Variants in YWHAE observed in about 807,000 individuals in gnomAD.
YWHAE encodes the protein tyrosine 3-monooxygenase/tryptophan 5-monooxygenase activation protein epsilon.
YWHAE carries 4 observed loss-of-function variants against 30.1 expected under a neutral mutation model. The ratio of observed to expected loss-of-function variants is 0.13; its 90% confidence interval spans 0.07 to 0.30. The LOEUF is 0.30. Ranked by LOEUF, YWHAE falls within the 10% of genes least tolerant of loss-of-function variation. The pLI is 1.00. For missense variants in YWHAE, 121 were observed against 315.9 expected, an observed-to-expected ratio of 0.38 and a Z score of 4.68; for synonymous variants, 118 against 111.8, an observed-to-expected ratio of 1.06 and a Z score of -0.35.
intron 5 of YWHAE, chr17:1,347,944 G>A: frequency 5.0e-6 from 5 of 1,008,032 alleles, no homozygotes; most frequent in Non-Finnish European, 4.7e-6. Flanking sequence ...AATTCACTGT[G>A]CCATGAACGT....
At position 1,351,952 on chromosome 17, in the gene YWHAE, AT is replaced by A. The variant is rs11379881; in HGVS notation, c.715+2258del. The A allele has an allele frequency of 1.0e-3, 146 of 145,974 alleles. No homozygotes were observed. In the Middle Eastern group the frequency reaches 0.01, roughly 10 times the overall value. The allele number at this position is 145,974 out of a possible 1,614,324, so 9.0% of individuals were successfully genotyped here. A position where few individuals can be genotyped will look rare whatever the true frequency, so the allele number is the denominator to read the frequency against. On this transcript the variant is annotated intron_variant, in intron 5 of 5. Transcript: ENST00000264335. ...ACAGGCACATACCACTGCACCCGGCATTTTTTTTTTTTTTAAAGACAGGGTC... is the reference window on the plus strand; with the variant it reads ...ACAGGCACATACCACTGCACCCGGCATTTTTTTTTTTTTAAAGACAGGGTC...
At chr17:1,355,207 A>G (rs1322202707) in intron 4 of YWHAE, among the ~76,000 whole-genome samples, 1 of 107,296 alleles carries the variant, frequency 9.3e-6, no homozygotes, top group Non-Finnish European at 1.7e-5. Context: ...CCCAGGCTGG[A>G]GTGCAGTGGC....
intron 1 of YWHAE, among the ~76,000 whole-genome samples, chr17:1,370,324 G>A (rs1471382928): frequency 3.3e-5 from 5 of 151,426 alleles, no homozygotes; most frequent in Non-Finnish European, 7.4e-5. Flanking sequence ...GTAGAGGCGG[G>A]GTTTCACCAT....
intron 1 of YWHAE, among the ~76,000 whole-genome samples, chr17:1,388,229 A>G (rs1159655291): frequency 1.4e-5 from 2 of 140,022 alleles, no homozygotes; most frequent in South Asian, 4.7e-4. Flanking sequence ...CCAAAGTGCT[A>G]GGATTGGCCA....
Position 1,399,652 on chromosome 17 carries a change from G to A in YWHAE, c.64+395C>T, listed in dbSNP as rs1044780956. On this transcript the variant is annotated intron_variant, in intron 1 of 5. Coordinates refer to ENST00000264335, the MANE Select transcript of YWHAE (RefSeq NM_006761.5). ...CCATGTGGCGGGTGCTGCTTCCCCCGTCACCCCACCCAATTGTTCTCCACA... is the reference window on the plus strand; with the variant it reads ...CCATGTGGCGGGTGCTGCTTCCCCCATCACCCCACCCAATTGTTCTCCACA... The A allele has an allele frequency of 1.5e-5, 4 of 268,638 alleles. No homozygotes were observed. In the Admixed American group the frequency reaches 1.6e-4, roughly 11 times the overall value. The allele number at this position is 268,638 out of a possible 1,614,324, so 16.6% of individuals were successfully genotyped here. A position where few individuals can be genotyped will look rare whatever the true frequency, so the allele number is the denominator to read the frequency against.
At chr17:1,383,031 GAA>G (rs112094150) in intron 1 of YWHAE, among the ~76,000 whole-genome samples, 109 of 119,002 alleles carry the variant, frequency 9.2e-4, no homozygotes, top group Non-Finnish European at 1.2e-3. Context: ...TCTCAAGAAA[GAA>G]AAAAAAAAAA....
intron 1 of YWHAE, among the ~76,000 whole-genome samples, chr17:1,365,589 G>A (rs534987344): frequency 1.3e-5 from 2 of 152,184 alleles, no homozygotes; most frequent in South Asian, 2.1e-4. Flanking sequence ...AACTTCTGAT[G>A]ATTCCTACTT....
At chr17:1,375,890 C>T (rs2073114917) in intron 1 of YWHAE, among the ~76,000 whole-genome samples, 1 of 152,134 alleles carries the variant, frequency 6.6e-6, no homozygotes, top group African/African-American at 2.4e-5. Flanking sequence ...ATAAAACACC[C>T]CATTTCAACT....
At chr17:1,377,195 G>T (rs8067801) in intron 1 of YWHAE, among the ~76,000 whole-genome samples, 111,594 of 152,012 alleles carry the variant, frequency 0.73, 42,392 homozygotes, top group African/African-American at 0.93. Context: ...ATTACAGGCA[G>T]GGGTTACCAC....
intron 1 of YWHAE, among the ~76,000 whole-genome samples, chr17:1,370,326 T>G (rs1047017041): frequency 3.3e-5 from 5 of 151,310 alleles, no homozygotes; most frequent in Non-Finnish European, 5.9e-5. Flanking sequence ...AGAGGCGGGG[T>G]TTCACCATGT....
chr17:1,356,787 T>TTG (rs1390254681), intron 4 of YWHAE, among the ~76,000 whole-genome samples: 1 of 146,818 alleles, frequency 6.8e-6, no homozygotes, highest in Non-Finnish European at 1.5e-5. Flanking sequence ...GGTGAAAACC[T>TTG]GTCTCTACTA....
chr17:1,348,883 G>A (rs904540931), intron 5 of YWHAE, among the ~76,000 whole-genome samples: 1 of 151,422 alleles, frequency 6.6e-6, no homozygotes, highest in Non-Finnish European at 1.5e-5. Context: ...AAAATTAGCC[G>A]GGCATGGTGG....
chr17:1,389,656 G>A (rs1171519341), intron 1 of YWHAE, among the ~76,000 whole-genome samples: 1 of 150,260 alleles, frequency 6.7e-6, no homozygotes, highest in Admixed American at 6.7e-5. Flanking sequence ...TCAGCCTCCT[G>A]AGCAGCTGGG....
intron 5 of YWHAE, among the ~76,000 whole-genome samples, chr17:1,347,257 C>G (rs1336289891): frequency 5.3e-5 from 8 of 151,304 alleles, no homozygotes; most frequent in Non-Finnish European, 1.2e-4. Context: ...GGCGTGAACC[C>G]AGGAGGCGGA....
At chr17:1,367,431 TG>T (rs1332615673) in intron 1 of YWHAE, among the ~76,000 whole-genome samples, 1 of 152,176 alleles carries the variant, frequency 6.6e-6, no homozygotes, top group African/African-American at 2.4e-5. Flanking sequence ...GGTGAGACTC[TG>T]CCTCTACAAA....
chr17:1,397,342 A>G (rs2073489679), intron 1 of YWHAE, among the ~76,000 whole-genome samples: 1 of 152,220 alleles, frequency 6.6e-6, no homozygotes, highest in African/African-American at 2.4e-5. Context: ...TAAAGTGATG[A>G]GATGCTAGAT....
intron 5 of YWHAE, among the ~76,000 whole-genome samples, chr17:1,348,757 C>T (rs992374471): frequency 2.0e-5 from 3 of 152,230 alleles, no homozygotes; most frequent in Non-Finnish European, 4.4e-5. Context: ...GGAACAGTGG[C>T]TCACGCCTGT....
Position 1,365,009 on chromosome 17 carries a change from T to C in YWHAE, c.114A>G (p.Thr38=). Residue 38 remains threonine, a synonymous_variant, in exon 2 of 6, where the codon ACA becomes ACG. Transcript: ENST00000264335. ...CAGATAGGAGGTTTCTTTCTTCAAC[T>C]GTCAGCTCCACATCCATCCCTGCTA... ...KKVAGMDVEL[T]VEERNLLSVA... 2 of 1,614,140 alleles carry C rather than the reference T, an allele frequency of 1.2e-6. No individual in the cohort carries two copies. Among genetic ancestry groups the C allele is most frequent in the Non-Finnish European group, 8.5e-7 (1 of 1,180,010 alleles).
chr17:1,363,155 G>C lies in YWHAE; in HGVS notation c.265-1147C>G, dbSNP rs115816073. Among the ~76,000 whole-genome samples, 482 of 152,230 alleles carry C rather than the reference G, an allele frequency of 3.2e-3. 5 individuals are homozygous for C. The highest frequency in any genetic ancestry group is 0.011 in the African/African-American group (452 of 41,524). On this transcript the variant is annotated intron_variant, in intron 2 of 5. Coordinates refer to ENST00000264335, the MANE Select transcript of YWHAE (RefSeq NM_006761.5). ...ATGACCATGCTGCTCCATACTAGAAGTCTGAATTGCAACACTCCACTCTTG... is the reference window on the plus strand; with the variant it reads ...ATGACCATGCTGCTCCATACTAGAACTCTGAATTGCAACACTCCACTCTTG...
Sources: gnomAD v4.1 joint callset for allele counts (sites outside exome capture counted in the v4.1 genomes callset) on GRCh38, gnomAD v4.1.1 for gene constraint, MANE v1.5 for transcripts, NCBI Gene and HGNC (gene_info 2026-07-23, HGNC 2026-07-21) for gene names.